Variants in ZCCHC7 observed in about 807,000 individuals in gnomAD.
ZCCHC7 encodes zinc finger CCHC-type containing 7, also known as zinc finger CCHC domain-containing protein 7.
A neutral mutation model predicts 52.0 loss-of-function variants in ZCCHC7; 35 were observed. The observed-to-expected ratio is 0.67, with a 90% CI of 0.51 to 0.89. The LOEUF is 0.89. Among genes scored for constraint, ZCCHC7 ranks in the 40% least tolerant of loss-of-function variants. The probability of loss-of-function intolerance (pLI) is 0.00; values close to 1 mark genes in which losing one functional copy is unlikely to be tolerated. For synonymous variants in ZCCHC7, 217 were observed against 221.5 expected, an observed-to-expected ratio of 0.98 and a Z score of 0.18; for missense variants, 574 against 649.1, an observed-to-expected ratio of 0.88 and a Z score of 1.26.
At chr9:37,250,953 C>T (rs147770956) in intron 2 of ZCCHC7, among the ~76,000 whole-genome samples, 5 of 152,220 alleles carry the variant, frequency 3.3e-5, no homozygotes, top group South Asian at 2.1e-4. Context: ...TATTGACAAG[C>T]CTCCATCTAC....
intron 2 of ZCCHC7, among the ~76,000 whole-genome samples, chr9:37,258,755 C>CT (rs1304880086): frequency 6.2e-5 from 3 of 48,466 alleles, no homozygotes; most frequent in Non-Finnish European, 9.3e-5. Context: ...GATCCTGTCT[C>CT]TTAAAAAAAA....
chr9:37,176,293 T>C (rs1822025702), intron 2 of ZCCHC7, among the ~76,000 whole-genome samples: 1 of 152,136 alleles, frequency 6.6e-6, no homozygotes, highest in South Asian at 2.1e-4. Flanking sequence ...CAGGATGGTC[T>C]CGATCTCCTG....
chr9:37,322,215 T>G (rs1282755850), intron 5 of ZCCHC7: 1 of 152,164 alleles, frequency 6.6e-6, no homozygotes, highest in African/African-American at 2.4e-5. Context: ...TATAGGGATC[T>G]ACATCTACAT....
chr9:37,295,922 G>C (rs538006676), intron 2 of ZCCHC7, among the ~76,000 whole-genome samples: 10 of 152,244 alleles, frequency 6.6e-5, no homozygotes, highest in African/African-American at 2.4e-4. Context: ...AACCACAAAG[G>C]GGGACAAGAG....
At chr9:37,174,858 C>T (rs543614344) in intron 2 of ZCCHC7, among the ~76,000 whole-genome samples, 13 of 152,178 alleles carry the variant, frequency 8.5e-5, no homozygotes, top group South Asian at 2.1e-4. Flanking sequence ...CGATCCTGGC[C>T]GGGCATGGTG....
At chr9:37,338,594 A>G (rs1830790575) in intron 6 of ZCCHC7, among the ~76,000 whole-genome samples, 1 of 152,156 alleles carries the variant, frequency 6.6e-6, no homozygotes, top group African/African-American at 2.4e-5. Flanking sequence ...AACTAAAGCA[A>G]CACACGTTAT....
intron 2 of ZCCHC7, among the ~76,000 whole-genome samples, chr9:37,268,022 C>G (rs1238204613): frequency 6.6e-6 from 1 of 152,140 alleles, no homozygotes; most frequent in Admixed American, 6.5e-5. Flanking sequence ...AAGATTTCCT[C>G]TGTGATCACA....
chr9:37,133,245 G>T (rs1311503936), intron 2 of ZCCHC7, among the ~76,000 whole-genome samples: 2 of 151,992 alleles, frequency 1.3e-5, no homozygotes, highest in African/African-American at 4.8e-5. Flanking sequence ...AGTCATCTCT[G>T]GATTACTTAA....
chr9:37,323,629 G>C (rs1179834636), intron 5 of ZCCHC7, among the ~76,000 whole-genome samples: 1 of 152,102 alleles, frequency 6.6e-6, no homozygotes, highest in Non-Finnish European at 1.5e-5. Context: ...CAGAATAGAA[G>C]TATAATAAGC....
At chr9:37,313,587 G>A (rs955544106) in intron 5 of ZCCHC7, among the ~76,000 whole-genome samples, 21 of 152,146 alleles carry the variant, frequency 1.4e-4, no homozygotes, top group East Asian at 5.8e-4. Flanking sequence ...ATCTCAAGTC[G>A]AATTGTAATT....
At chr9:37,180,600 G>A (rs1422396009) in intron 2 of ZCCHC7, among the ~76,000 whole-genome samples, 2 of 152,006 alleles carry the variant, frequency 1.3e-5, no homozygotes, top group African/African-American at 4.8e-5. Context: ...GAATAATTTT[G>A]CATTCTTTTG....
At chr9:37,231,254 CT>C (rs1430120470) in intron 2 of ZCCHC7, among the ~76,000 whole-genome samples, 4 of 152,102 alleles carry the variant, frequency 2.6e-5, no homozygotes, top group African/African-American at 4.8e-5. Context: ...CCATAAACGT[CT>C]TTGGGGCTTT....
At position 37,126,571 on chromosome 9, in the gene ZCCHC7, G is replaced by T. The variant is rs545900037; in HGVS notation, c.239G>T (p.Ser80Ile). The T allele has an allele frequency of 1.2e-6, 2 of 1,614,160 alleles. No homozygotes were observed. Among genetic ancestry groups the T allele is most frequent in the Non-Finnish European group, 1.7e-6 (2 of 1,180,020 alleles). ...AAGAAGCTAATCGTCCTTTCAGATA[G>T]TGAGGTCATCCAGCTGTCAGATGGG... ...NQKKLIVLSD[S>I]EVIQLSDGSE... The change falls in exon 2 of 9, where the codon AGT (serine) becomes ATT (isoleucine). Residue 80 changes from serine (S) to isoleucine (I), a missense_variant. By Grantham distance (142) the Ser-to-Ile change is moderately radical. Coordinates refer to ENST00000336755, the MANE Select transcript of ZCCHC7 (RefSeq NM_032226.3).
chr9:37,222,888 G>C (rs1824898993), intron 2 of ZCCHC7, among the ~76,000 whole-genome samples: 1 of 152,062 alleles, frequency 6.6e-6, no homozygotes, highest in Non-Finnish European at 1.5e-5. Context: ...AGAATTAGTG[G>C]TTCCTAGAAG....
At chr9:37,330,237 A>G (rs1250414736) in intron 6 of ZCCHC7, among the ~76,000 whole-genome samples, 3 of 151,836 alleles carry the variant, frequency 2.0e-5, no homozygotes, top group African/African-American at 7.2e-5. Flanking sequence ...AAAATTCCTT[A>G]AAACACTTTC....
chr9:37,140,260 A>T (rs1843165492), intron 2 of ZCCHC7, among the ~76,000 whole-genome samples: 2 of 151,988 alleles, frequency 1.3e-5, no homozygotes, highest in African/African-American at 2.4e-5. Flanking sequence ...TTTAATAGCT[A>T]ATAAAAATTC....
intron 4 of ZCCHC7, among the ~76,000 whole-genome samples, chr9:37,305,195 C>G (rs1002995196): frequency 2.0e-5 from 3 of 152,134 alleles, no homozygotes; most frequent in African/African-American, 7.2e-5. Context: ...TCTTGCTTCT[C>G]CAGTCAAAAC....
intron 2 of ZCCHC7, among the ~76,000 whole-genome samples, chr9:37,281,152 A>C (rs1827940247): frequency 1.3e-5 from 2 of 152,106 alleles, no homozygotes; most frequent in African/African-American, 4.8e-5. Flanking sequence ...AGTAGCTGGG[A>C]CCACAGGCGT....
At position 37,218,978 on chromosome 9, in the gene ZCCHC7, C is replaced by T. The variant is rs1824669526; in HGVS notation, c.611-83210C>T. On this transcript the variant is annotated intron_variant, in intron 2 of 8. Coordinates refer to ENST00000336755, the MANE Select transcript of ZCCHC7 (RefSeq NM_032226.3). ...TTTTTTTTTTTGAGATTGGGATTCTCACTTGAGCCAGAGAGGCGGAGGTTG... is the reference window on the plus strand; with the variant it reads ...TTTTTTTTTTTGAGATTGGGATTCTTACTTGAGCCAGAGAGGCGGAGGTTG... Among the ~76,000 whole-genome samples, 6 of 136,106 alleles carry T rather than the reference C, an allele frequency of 4.4e-5. No individual in the cohort carries two copies. The South Asian group carries it at 1.2e-3, about 27-fold the overall frequency. 89.3% of individuals were successfully genotyped at this position (136,106 alleles called of 152,430 possible). A position where few individuals can be genotyped will look rare whatever the true frequency, so the allele number is the denominator to read the frequency against.
Sources: gnomAD v4.1 joint callset for allele counts (sites outside exome capture counted in the v4.1 genomes callset) on GRCh38, gnomAD v4.1.1 for gene constraint, MANE v1.5 for transcripts, NCBI Gene and HGNC (gene_info 2026-07-23, HGNC 2026-07-21) for gene names.